IKZF2: variants seen among roughly 807,000 people sequenced by gnomAD.
The protein encoded by IKZF2 is zinc finger protein Helios.
A neutral mutation model predicts 49.2 loss-of-function variants in IKZF2; 15 were observed. That is an observed-to-expected ratio of 0.30 (90% CI 0.20 to 0.47). IKZF2 has a LOEUF of 0.47. Among genes scored for constraint, IKZF2 ranks in the 20% least tolerant of loss-of-function variants. The pLI is 1.00. For synonymous variants in IKZF2, 227 were observed against 221.4 expected (o/e 1.03, Z -0.23); for missense variants, 567 against 664.6 (o/e 0.85, Z 1.61).
intron 4 of IKZF2, among the ~76,000 whole-genome samples, chr2:213,101,187 A>G (rs1199710199): frequency 3.9e-5 from 6 of 152,064 alleles, no homozygotes; most frequent in Non-Finnish European, 7.4e-5. Context: ...GTTTATCAGT[A>G]AATTACTTCA....
At chr2:213,026,193 T>A (rs1028579859) in intron 6 of IKZF2, among the ~76,000 whole-genome samples, 1 of 152,146 alleles carries the variant, frequency 6.6e-6, no homozygotes, top group African/African-American at 2.4e-5. Context: ...GTTTTGTTTG[T>A]TGCTGTAATT....
At chr2:213,124,594 G>A (rs1048339651) in intron 4 of IKZF2, among the ~76,000 whole-genome samples, 9 of 152,204 alleles carry the variant, frequency 5.9e-5, no homozygotes, top group Non-Finnish European at 1.2e-4. Flanking sequence ...AAGTGGATAT[G>A]TCATGCAATG....
At chr2:213,036,441 A>C (rs552902053) in intron 6 of IKZF2, among the ~76,000 whole-genome samples, 1 of 152,320 alleles carries the variant, frequency 6.6e-6, no homozygotes, top group South Asian at 2.1e-4. Flanking sequence ...ACTAATACTT[A>C]TCATGTACTA....
chr2:213,040,760 T>C (rs1699549674), intron 6 of IKZF2, among the ~76,000 whole-genome samples: 1 of 152,132 alleles, frequency 6.6e-6, no homozygotes, highest in South Asian at 2.1e-4. Context: ...CCTATAAAAC[T>C]GAAAAATCTG....
chr2:213,042,488 A>G (rs1384508461), intron 6 of IKZF2, among the ~76,000 whole-genome samples: 1 of 152,222 alleles, frequency 6.6e-6, no homozygotes, highest in African/African-American at 2.4e-5. Flanking sequence ...AGAGTCAGGT[A>G]TGACTGTAGC....
chr2:213,024,635 G>A (rs1697608266), intron 6 of IKZF2, among the ~76,000 whole-genome samples: 1 of 151,990 alleles, frequency 6.6e-6, no homozygotes. Flanking sequence ...GGGTGGAAAG[G>A]CAGGATTTCA....
At position 213,013,942 on chromosome 2, in the gene IKZF2, A is replaced by G; in HGVS notation, c.713-8T>C. ...AATCTTCCATAGGAGGTACTATACA[A>G]AACCATAGAAAAATGCAATCTGATA... is the stretch of plus-strand genomic sequence containing the variant. On this transcript the variant is annotated splice_polypyrimidine_tract_variant and splice_region_variant and intron_variant, in intron 7 of 8. Coordinates refer to ENST00000434687, the MANE Select transcript of IKZF2 (RefSeq NM_001387220.1). 6.2e-7 allele frequency: 1 copy of G among 1,608,402 alleles called. No individual in the cohort carries two copies. The highest frequency in any genetic ancestry group is 1.1e-5 in the South Asian group (1 of 90,484).
At chr2:213,095,309 T>G (rs1247877771) in intron 4 of IKZF2, among the ~76,000 whole-genome samples, 1 of 152,082 alleles carries the variant, frequency 6.6e-6, no homozygotes, top group Non-Finnish European at 1.5e-5. Context: ...AATAAATCAT[T>G]TTTAAATATC....
At chr2:213,072,470 A>AT (rs1304257349) in intron 4 of IKZF2, among the ~76,000 whole-genome samples, 1 of 152,086 alleles carries the variant, frequency 6.6e-6, no homozygotes, top group East Asian at 1.9e-4. Flanking sequence ...CAATCTGCAG[A>AT]TTTTATTATC....
rs1695470491 is a variant in IKZF2 at position 213,007,603 on chromosome 2, A to G, written c.1338T>C (p.Thr446=). The change falls in exon 9 of 9, where the codon ACT becomes ACC. Residue 446 remains threonine (T), a synonymous_variant. Transcript: ENST00000434687. ...YMKEDVKALD[T]TKAPKGSLKD... is the part of the protein sequence containing the mutation. Reference sequence around the variant, plus strand: ...TCAGAGAGCCCTTAGGAGCCTTGGTAGTATCCAAAGCTTTGACATCCTCCT... The same window carrying G: ...TCAGAGAGCCCTTAGGAGCCTTGGTGGTATCCAAAGCTTTGACATCCTCCT... The G allele has an allele frequency of 1.9e-6, 3 of 1,613,750 alleles. No individual in the cohort carries two copies. Among genetic ancestry groups the G allele is most frequent in the Middle Eastern group, 3.3e-4 (2 of 6,054 alleles).
chr2:213,101,342 A>T (rs565220757), intron 4 of IKZF2, among the ~76,000 whole-genome samples: 1 of 152,254 alleles, frequency 6.6e-6, no homozygotes, highest in East Asian at 1.9e-4. Flanking sequence ...TATTTCTCCA[A>T]CCTGGAAAAA....
intron 5 of IKZF2, among the ~76,000 whole-genome samples, chr2:213,054,902 G>C (rs1408943774): frequency 7.2e-5 from 11 of 151,958 alleles, no homozygotes; most frequent in Non-Finnish European, 1.5e-5. Context: ...ATAACAAAAG[G>C]ACAGTAGAGT....
chr2:213,024,481 G>A (rs1029615395), intron 6 of IKZF2, among the ~76,000 whole-genome samples: 1 of 152,158 alleles, frequency 6.6e-6, no homozygotes, highest in African/African-American at 2.4e-5. Flanking sequence ...CAAATTGTGG[G>A]CAGTTGCATG....
At chr2:213,135,967 T>A (rs971444407) in intron 4 of IKZF2, among the ~76,000 whole-genome samples, 2 of 150,920 alleles carry the variant, frequency 1.3e-5, no homozygotes, top group Admixed American at 1.3e-4. Context: ...GGAGAATTGC[T>A]TGAACCCAGG....
At chr2:213,082,539 TCTGA>T (rs901275068) in intron 4 of IKZF2, among the ~76,000 whole-genome samples, 40 of 152,316 alleles carry the variant, frequency 2.6e-4, no homozygotes, top group South Asian at 8.3e-4. Context: ...AAGCAAACCC[TCTGA>T]CTAAGTCAAC....
intron 5 of IKZF2, chr2:213,056,631 T>C (rs1701178286): frequency 4.3e-6 from 3 of 700,412 alleles, no homozygotes; most frequent in South Asian, 3.1e-5. Flanking sequence ...AAACTTCTTT[T>C]CTGATATGCT....
intron 4 of IKZF2, among the ~76,000 whole-genome samples, chr2:213,076,121 A>G (rs1559240684): frequency 6.6e-6 from 1 of 151,774 alleles, no homozygotes; most frequent in Non-Finnish European, 1.5e-5. Flanking sequence ...ACTAAACAGG[A>G]TTTTTTTTAA....
chr2:213,061,861 T>C (rs1254793562), intron 4 of IKZF2, among the ~76,000 whole-genome samples: 1 of 151,528 alleles, frequency 6.6e-6, no homozygotes. Flanking sequence ...ACATATGTAA[T>C]TTGGTTACAT....
intron 6 of IKZF2, among the ~76,000 whole-genome samples, chr2:213,048,458 G>C (rs960088901): frequency 6.6e-6 from 1 of 152,034 alleles, no homozygotes; most frequent in Admixed American, 6.6e-5. Flanking sequence ...ACTCTGGCTA[G>C]AGTACATGAC....
Sources: gnomAD v4.1 joint callset for allele counts (sites outside exome capture counted in the v4.1 genomes callset) on GRCh38, gnomAD v4.1.1 for gene constraint, MANE v1.5 for transcripts, NCBI Gene and HGNC (gene_info 2026-07-23, HGNC 2026-07-21) for gene names.